Variants in GALNT17 observed in about 807,000 individuals in gnomAD.
GALNT17 encodes the protein polypeptide N-acetylgalactosaminyltransferase 17, also known as UDP-GalNAc:polypeptide N-acetylgalactosaminyltransferase-like 3.
GALNT17 carries 29 observed loss-of-function variants against 63.7 expected under a neutral mutation model. The ratio of observed to expected loss-of-function variants is 0.46; its 90% CI spans 0.34 to 0.62. The LOEUF (loss-of-function observed/expected upper bound fraction) is 0.62, where lower values mean the gene tolerates loss of function less well. GALNT17 is among the 20% of genes least tolerant of loss of function. GALNT17 has a pLI of 0.01. For synonymous variants in GALNT17, 305 were observed against 318.3 expected (o/e 0.96, Z 0.45); for missense variants, 603 against 799.6 (o/e 0.75, Z 2.97).
intron 9 of GALNT17, among the ~76,000 whole-genome samples, chr7:71,686,730 C>T (rs912699789): frequency 3.3e-5 from 5 of 152,032 alleles, no homozygotes; most frequent in Non-Finnish European, 2.9e-5. Context: ...CTTTTGAGGA[C>T]CATAGTTGAG....
intron 5 of GALNT17, among the ~76,000 whole-genome samples, chr7:71,497,121 G>A (rs1463301505): frequency 6.6e-6 from 1 of 152,046 alleles, no homozygotes; most frequent in African/African-American, 2.4e-5. Context: ...TGAAAGTTAG[G>A]AAATTTGTCT....
At chr7:71,453,432 G>A (rs1359660714) in intron 5 of GALNT17, among the ~76,000 whole-genome samples, 5 of 152,290 alleles carry the variant, frequency 3.3e-5, no homozygotes, top group East Asian at 3.9e-4. Flanking sequence ...CACGTCTAAC[G>A]TGGTGGTAGG....
intron 5 of GALNT17, among the ~76,000 whole-genome samples, chr7:71,461,800 G>A (rs1787455297): frequency 1.3e-5 from 2 of 152,140 alleles, no homozygotes; most frequent in South Asian, 2.1e-4. Context: ...GTTCTGCAGT[G>A]TCACTCCCAG....
chr7:71,465,443 A>C (rs1413953571), intron 5 of GALNT17, among the ~76,000 whole-genome samples: 1 of 152,200 alleles, frequency 6.6e-6, no homozygotes, highest in Non-Finnish European at 1.5e-5. Flanking sequence ...TTTAAAGAAG[A>C]AAAGCTTTAT....
chr7:71,151,235 C>A (rs761029071), intron 1 of GALNT17, among the ~76,000 whole-genome samples: 7 of 152,174 alleles, frequency 4.6e-5, no homozygotes, highest in Non-Finnish European at 1.0e-4. Flanking sequence ...ATTGATTGAT[C>A]TTAAACAATA....
chr7:71,177,859 A>G lies in GALNT17; in HGVS notation c.238+44819A>G, dbSNP rs183387822. 2.8e-3 allele frequency among the ~76,000 whole-genome samples: 424 copies of G among 152,344 alleles called. 2 individuals carry two copies. Among genetic ancestry groups the G allele is most frequent in the African/African-American group, 9.8e-3 (407 of 41,582 alleles). On this transcript the variant is annotated intron_variant, in intron 1 of 10. Transcript: ENST00000333538. ...ACTGGAGTATAGCTATCCAAAATCA[A>G]TCTAGAGACTATAATCTATATATAT...
chr7:71,384,017 A>G (rs1197210483), intron 2 of GALNT17, among the ~76,000 whole-genome samples: 2 of 151,826 alleles, frequency 1.3e-5, no homozygotes, highest in Non-Finnish European at 2.9e-5. Flanking sequence ...CCACCATACT[A>G]TTTTCCACAG....
chr7:71,379,432 G>A (rs1792803219), intron 2 of GALNT17, among the ~76,000 whole-genome samples: 1 of 152,072 alleles, frequency 6.6e-6, no homozygotes, highest in Admixed American at 6.6e-5. Context: ...ATGTACTCTA[G>A]AGAGGTCATT....
At chr7:71,637,248 C>T (rs902110147) in intron 6 of GALNT17, among the ~76,000 whole-genome samples, 5 of 152,076 alleles carry the variant, frequency 3.3e-5, no homozygotes, top group Non-Finnish European at 7.4e-5. Context: ...TGCAGTGACG[C>T]GATCTCGGCT....
chr7:71,523,255 T>G (rs535578636), intron 5 of GALNT17, among the ~76,000 whole-genome samples: 2 of 152,168 alleles, frequency 1.3e-5, no homozygotes, highest in African/African-American at 4.8e-5. Context: ...CAAGACCCCA[T>G]CTCTACAAAA....
chr7:71,230,040 A>G (rs1789758978), intron 1 of GALNT17, among the ~76,000 whole-genome samples: 2 of 152,084 alleles, frequency 1.3e-5, no homozygotes, highest in Non-Finnish European at 2.9e-5. Context: ...TGCAAGGAAG[A>G]GCCAAGGAGA....
intron 9 of GALNT17, among the ~76,000 whole-genome samples, chr7:71,706,576 A>G (rs1031806209): frequency 6.6e-6 from 1 of 152,136 alleles, no homozygotes; most frequent in Non-Finnish European, 1.5e-5. Flanking sequence ...GAATTTAAAT[A>G]TATTCAGGCA....
At chr7:71,600,007 C>A (rs1249089453) in intron 6 of GALNT17, among the ~76,000 whole-genome samples, 1 of 151,748 alleles carries the variant, frequency 6.6e-6, no homozygotes, top group Non-Finnish European at 1.5e-5. Flanking sequence ...CAGACATGGA[C>A]AAATATCCCC....
intron 5 of GALNT17, among the ~76,000 whole-genome samples, chr7:71,471,418 A>ACC (rs1787630081): frequency 6.7e-6 from 1 of 149,462 alleles, no homozygotes; most frequent in African/African-American, 2.5e-5. Context: ...AAAAAAACAA[A>ACC]AAAAACCAAA....
chr7:71,404,744 A>G (rs1583923386), intron 3 of GALNT17, among the ~76,000 whole-genome samples: 1 of 152,074 alleles, frequency 6.6e-6, no homozygotes, highest in Admixed American at 6.6e-5. Context: ...GCTTCATTGT[A>G]TTGTTTAGAA....
chr7:71,560,972 C>T (rs913814588), intron 5 of GALNT17, among the ~76,000 whole-genome samples: 26 of 152,250 alleles, frequency 1.7e-4, no homozygotes, highest in Middle Eastern at 3.4e-3. Flanking sequence ...AAGAATTCAC[C>T]GTTGCTGATG....
intron 9 of GALNT17, among the ~76,000 whole-genome samples, chr7:71,687,071 C>T (rs1173729312): frequency 6.6e-6 from 1 of 152,140 alleles, no homozygotes; most frequent in Non-Finnish European, 1.5e-5. Context: ...ACATTAGCGC[C>T]CAGGACCTTT....
At chr7:71,482,925 G>T (rs1787846782) in intron 5 of GALNT17, among the ~76,000 whole-genome samples, 1 of 152,174 alleles carries the variant, frequency 6.6e-6, no homozygotes, top group Admixed American at 6.5e-5. Context: ...TGTCACTGCT[G>T]ATCTGACAGG....
chr7:71,677,342 T>G (rs1181545795), intron 9 of GALNT17, 36 bp downstream of exon 9: 1 of 1,594,502 alleles, frequency 6.3e-7, no homozygotes. Flanking sequence ...GGAAGTAATA[T>G]CACCATCTCC....
Sources: allele counts gnomAD v4.1 joint callset (sites outside exome capture counted in the v4.1 genomes callset), GRCh38; gene constraint gnomAD v4.1.1; transcripts MANE v1.5; gene names NCBI Gene and HGNC (gene_info 2026-07-23, HGNC 2026-07-21).